The following INSR variants were observed in gnomAD, a reference collection of about 807,000 sequenced individuals.
The protein encoded by INSR is insulin receptor.
In INSR, 67 loss-of-function variants were observed where a neutral mutation model predicts 142.6. The observed-to-expected ratio is 0.47, with a 90% confidence interval of 0.39 to 0.58. The LOEUF is 0.58. Among genes scored for constraint, INSR ranks in the 20% least tolerant of loss-of-function variants. The pLI is 0.00. For missense variants in INSR, 1,248 were observed against 1,833.2 expected, an observed-to-expected ratio of 0.68 and a Z score of 5.83; for synonymous variants, 756 against 743.1, an observed-to-expected ratio of 1.02 and a Z score of -0.28.
At chr19:7,183,086 T>C (rs1452602937) in intron 3 of INSR, among the ~76,000 whole-genome samples, 1 of 152,110 alleles carries the variant, frequency 6.6e-6, no homozygotes, top group Non-Finnish European at 1.5e-5. Flanking sequence ...TCATAAGAAC[T>C]GAAATTACAG....
chr19:7,248,003 C>CA (rs1976586980), intron 2 of INSR, among the ~76,000 whole-genome samples: 1 of 152,100 alleles, frequency 6.6e-6, no homozygotes, highest in African/African-American at 2.4e-5. Context: ...ATATCACTAC[C>CA]AAAAGCAGGA....
At chr19:7,158,060 TTA>T (rs1277238155) in intron 9 of INSR, among the ~76,000 whole-genome samples, 8 of 142,274 alleles carry the variant, frequency 5.6e-5, no homozygotes, top group Non-Finnish European at 7.5e-5. Flanking sequence ...ATTATTATTA[TTA>T]TTATTATTAT....
At chr19:7,154,183 T>A (rs1973525340) in intron 9 of INSR, among the ~76,000 whole-genome samples, 1 of 151,122 alleles carries the variant, frequency 6.6e-6, no homozygotes. Flanking sequence ...AATAAATAAA[T>A]AAAATATCTG....
chr19:7,116,370 C>T lies in INSR; in HGVS notation c.*686G>A, dbSNP rs1972323385. On this transcript the variant is annotated 3_prime_UTR_variant, in exon 22 of 22. Coordinates refer to ENST00000302850, the MANE Select transcript of INSR (RefSeq NM_000208.4). ...GCCAATTCCCAAAGCATCAACTCCG[C>T]ATGGATACTTTGCACACACATCAGC... 6.6e-6 allele frequency: 1 copy of T among 152,282 alleles called. No homozygotes were observed. Among genetic ancestry groups the T allele is most frequent in the African/African-American group, 2.4e-5 (1 of 41,368 alleles). The allele number at this position is 152,282 out of a possible 1,614,324, so 9.4% of individuals were successfully genotyped here.
At chr19:7,203,403 A>G (rs1975020603) in intron 2 of INSR, among the ~76,000 whole-genome samples, 1 of 152,146 alleles carries the variant, frequency 6.6e-6, no homozygotes, top group South Asian at 2.1e-4. Context: ...GGAAATAGGT[A>G]TGACAATCTG....
At position 7,270,776 on chromosome 19, in the gene INSR, G is replaced by T. The variant is rs118064378; in HGVS notation, c.101-2880C>A. The stretch of plus-strand genomic sequence containing the variant: ...TCGTCTCGATTAAAAAAACACAACG[G>T]CTGGGCGTGGTGGCCAGCTCATGGC... On this transcript the variant is annotated intron_variant, in intron 1 of 21. Coordinates refer to ENST00000302850, the MANE Select transcript of INSR (RefSeq NM_000208.4). Among the ~76,000 whole-genome samples, 202 of 149,746 alleles carry T rather than the reference G, an allele frequency of 1.3e-3. 1 individual carries two copies. Among genetic ancestry groups the T allele is most frequent in the Non-Finnish European group, 1.6e-3 (110 of 67,502 alleles).
At chr19:7,212,403 C>T (rs1045576018) in intron 2 of INSR, among the ~76,000 whole-genome samples, 2 of 152,138 alleles carry the variant, frequency 1.3e-5, no homozygotes, top group East Asian at 3.9e-4. Context: ...GATTCCCGCT[C>T]AGCTCCCACC....
intron 13 of INSR, among the ~76,000 whole-genome samples, chr19:7,140,773 C>CTTTTTTTTTTT (rs34805383): frequency 7.2e-6 from 1 of 139,494 alleles, no homozygotes; most frequent in African/African-American, 2.6e-5. Context: ...ATTAACGGCC[C>CTTTTTTTTTTT]TTTTTTTTTT....
intron 2 of INSR, among the ~76,000 whole-genome samples, chr19:7,199,510 G>A (rs73488719): frequency 0.018 from 2,606 of 148,344 alleles, 74 homozygotes; most frequent in African/African-American, 0.061. Context: ...TGATCCTTCC[G>A]CTTCAGCCTC....
In INSR at chr19:7,142,998, C is replaced by T; in HGVS notation, c.2360G>A (p.Ser787Asn). The T allele has an allele frequency of 6.2e-7, 1 of 1,614,180 alleles. No individual in the cohort carries two copies. Among genetic ancestry groups the T allele is most frequent in the Non-Finnish European group, 8.5e-7 (1 of 1,180,026 alleles). ...VAAFPNTSST[S>N]VPTSPEEHRP... The stretch of plus-strand genomic sequence containing the variant: ...GTGCTCCTCCGGACTCGTGGGCACG[C>T]TGGTCGAGGAAGTGTTGGGGAAAGC... The change falls in exon 12 of 22, where the codon AGC (serine) becomes AAC (asparagine). Residue 787 changes from serine (S) to asparagine (N), a missense_variant. This residue lies in a region of INSR where 1,069 missense variants were observed against 1,654.0 expected (regional missense o/e 0.65). Coordinates refer to ENST00000302850, the MANE Select transcript of INSR (RefSeq NM_000208.4).
At chr19:7,215,803 A>G (rs919485771) in intron 2 of INSR, among the ~76,000 whole-genome samples, 1 of 151,700 alleles carries the variant, frequency 6.6e-6, no homozygotes, top group African/African-American at 2.4e-5. Flanking sequence ...TCCTGACCTC[A>G]GGTGATCCAC....
Position 7,119,414 on chromosome 19 carries a change from A to T in INSR, c.3794+35T>A. ...GTAAAGGGCAATACCCTTTCAACGA[A>T]CACCTCACACACCTTAAACCCTTTC... On this transcript the variant is annotated intron_variant, in intron 21 of 21. Coordinates refer to ENST00000302850, the MANE Select transcript of INSR (RefSeq NM_000208.4). The surrounding 1 kb of genome is among the most constrained non-coding windows in gnomAD (Gnocchi z 5.2). 1 of 1,613,902 alleles carries T rather than the reference A, an allele frequency of 6.2e-7. No homozygotes were observed. Among genetic ancestry groups the T allele is most frequent in the Non-Finnish European group, 8.5e-7 (1 of 1,179,792 alleles).
rs1049049938 is a variant in INSR at position 7,125,644 on chromosome 19, A to T, written c.3014-117T>A. On this transcript the variant is annotated intron_variant, in intron 16 of 21. Transcript: ENST00000302850. The surrounding 1 kb of genome is among the most constrained non-coding windows in gnomAD (Gnocchi z 4.9). ...AAACACTCATGAAATGAGTTCTGTG[A>T]TCCAGGACCCATGCCGGGCACTGGG... 50 of 1,392,180 alleles carry T rather than the reference A, an allele frequency of 3.6e-5. 1 individual carries two copies. The highest frequency in any genetic ancestry group is 4.7e-5 in the Non-Finnish European group (47 of 999,550). The allele number at this position is 1,392,180 out of a possible 1,614,324, so 86.2% of individuals were successfully genotyped here.
intron 9 of INSR, among the ~76,000 whole-genome samples, chr19:7,154,713 C>T (rs1469205177): frequency 1.3e-5 from 2 of 151,768 alleles, no homozygotes; most frequent in Non-Finnish European, 2.9e-5. Flanking sequence ...CACCTGAGGT[C>T]AGGAGGTCCG....
intron 13 of INSR, among the ~76,000 whole-genome samples, chr19:7,135,188 G>C (rs1300668880): frequency 6.6e-6 from 1 of 150,840 alleles, no homozygotes; most frequent in African/African-American, 2.4e-5. Context: ...TGGGGGCAGG[G>C]AACTCCAGTC....
intron 1 of INSR, among the ~76,000 whole-genome samples, chr19:7,293,557 G>A (rs1017261794): frequency 6.6e-6 from 1 of 152,110 alleles, no homozygotes; most frequent in Non-Finnish European, 1.5e-5. Context: ...ACCGGGGCAA[G>A]GTTCCTCGGG....
intron 2 of INSR, among the ~76,000 whole-genome samples, chr19:7,200,547 A>G (rs8106700): frequency 0.75 from 113,357 of 151,086 alleles, 42,724 homozygotes; most frequent in African/African-American, 0.8. Context: ...TAAATAAAAA[A>G]TTAAAAATTA....
rs74174872 is a variant in INSR, at chr19:7,169,576, CAA to C, written c.1483+959_1483+960del. Among the ~76,000 whole-genome samples, 817 of 94,778 alleles carry C rather than the reference CAA, an allele frequency of 8.6e-3. 4 individuals are homozygous for C. The highest frequency in any genetic ancestry group is 0.046 in the Middle Eastern group (8 of 174). The allele number at this position is 94,778 out of a possible 152,430, so 62.2% of individuals were successfully genotyped here. ...TGGGTGACAGAGCAAGACTCTGTCC[CAA>C]AAAAAAAAAAAAAAAAAAAAGAAGC... On this transcript the variant is annotated intron_variant, in intron 6 of 21. Coordinates refer to ENST00000302850, the MANE Select transcript of INSR (RefSeq NM_000208.4).
At chr19:7,136,849 T>TATATA (rs1568437888) in intron 13 of INSR, among the ~76,000 whole-genome samples, 1 of 126,046 alleles carries the variant, frequency 7.9e-6, no homozygotes, top group Non-Finnish European at 1.6e-5. Flanking sequence ...ATATATATAT[T>TATATA]GAGATGGTGT....
Sources: gnomAD v4.1 joint callset for allele counts (sites outside exome capture counted in the v4.1 genomes callset) on GRCh38, gnomAD v4.1.1 for gene constraint, gnomAD v4.1.1 regional missense constraint, Gnocchi (gnomAD v3.1) non-coding constraint, MANE v1.5 for transcripts, NCBI Gene and HGNC (gene_info 2026-07-23, HGNC 2026-07-21) for gene names.